The following CYB5R4 variants were observed in gnomAD, a reference collection of about 807,000 sequenced individuals.
CYB5R4 encodes the protein N-terminal cytochrome b5 and cytochrome b5 oxidoreductase domain-containing protein.
A neutral mutation model predicts 70.2 loss-of-function variants in CYB5R4; 55 were observed. That is an observed-to-expected ratio of 0.78 (90% CI 0.63 to 0.98). The LOEUF is 0.98. Ranked by LOEUF, CYB5R4 falls within the 50% of genes least tolerant of loss-of-function variation. The probability of loss-of-function intolerance (pLI) is 0.00; values close to 1 mark genes in which losing one functional copy is unlikely to be tolerated. For missense variants in CYB5R4, 562 were observed against 612.6 expected, an observed-to-expected ratio of 0.92 and a Z score of 0.87; for synonymous variants, 197 against 199.5, an observed-to-expected ratio of 0.99 and a Z score of 0.11.
At chr6:83,927,272 A>C (rs1156310908) in intron 10 of CYB5R4, among the ~76,000 whole-genome samples, 1 of 152,222 alleles carries the variant, frequency 6.6e-6, no homozygotes, top group African/African-American at 2.4e-5. Context: ...TCCACTCAGA[A>C]CACTAAAATG....
chr6:83,866,918 C>T (rs1489344648), intron 2 of CYB5R4, among the ~76,000 whole-genome samples: 1 of 152,178 alleles, frequency 6.6e-6, no homozygotes, highest in Non-Finnish European at 1.5e-5. Context: ...CATACCTGGC[C>T]ATGAATTTTT....
At position 83,890,050 on chromosome 6, in the gene CYB5R4, C is replaced by T. The variant is rs1406324079; in HGVS notation, c.230-3472C>T. ...GGGACAGATATACAAACTATATCAC[C>T]TTCTAACACGGCATCCATCCTGCAG... On this transcript the variant is annotated intron_variant, in intron 2 of 15. Coordinates refer to ENST00000369681, the MANE Select transcript of CYB5R4 (RefSeq NM_016230.4). Among the ~76,000 whole-genome samples, 6 of 152,242 alleles carry T rather than the reference C, an allele frequency of 3.9e-5. No homozygotes were observed. In the South Asian group the frequency reaches 1.0e-3, roughly 26 times the overall value.
chr6:83,921,140 C>A lies in CYB5R4; in HGVS notation c.623C>A (p.Thr208Lys). 1 of 1,528,622 alleles carries A rather than the reference C, an allele frequency of 6.5e-7. No homozygotes were observed. Among genetic ancestry groups the A allele is most frequent in the Non-Finnish European group, 8.9e-7 (1 of 1,120,580 alleles). The allele number at this position is 1,528,622 out of a possible 1,614,324, so 94.7% of individuals were successfully genotyped here. A position where few individuals can be genotyped will look rare whatever the true frequency, so the allele number is the denominator to read the frequency against. Residue 208 changes from threonine (T) to lysine (K), a missense_variant, in exon 8 of 16, where the codon ACA becomes AAA. Transcript: ENST00000369681. ...CAGAATGATTCCTTTAGAGCAGAAA[C>A]AATTATTAAGGATTGTTTATATCTT... Reference protein sequence around the residue: ...DHQNDSFRAETIIKDCLYLIH... With the variant: ...DHQNDSFRAEKIIKDCLYLIH...
chr6:83,915,169 C>T (rs552864790), intron 5 of CYB5R4, among the ~76,000 whole-genome samples: 6 of 152,244 alleles, frequency 3.9e-5, no homozygotes, highest in Non-Finnish European at 8.8e-5. Flanking sequence ...TAATGACTGA[C>T]ACTTCCTCTC....
At chr6:83,928,128 C>G (rs998447209) in intron 10 of CYB5R4, among the ~76,000 whole-genome samples, 33 of 152,088 alleles carry the variant, frequency 2.2e-4, no homozygotes, top group African/African-American at 8.0e-4. Context: ...ATGTCAGGAA[C>G]CAGGGACACA....
intron 15 of CYB5R4, among the ~76,000 whole-genome samples, chr6:83,955,970 G>A (rs2099472360): frequency 6.6e-6 from 1 of 152,140 alleles, no homozygotes; most frequent in South Asian, 2.1e-4. Context: ...AAAAATCAGT[G>A]GTAGTGGCGA....
rs552291162 is a variant in CYB5R4 at position 83,902,586 on chromosome 6, A to C, written c.331-6423A>C. ...ACAGTGGTATTTTGATAAGGATTGC[A>C]TTGATTCTGCATATTGCTTTGGGCT... On this transcript the variant is annotated intron_variant, in intron 3 of 15. Coordinates refer to ENST00000369681, the MANE Select transcript of CYB5R4 (RefSeq NM_016230.4). Among the ~76,000 whole-genome samples the C allele has an allele frequency of 1.2e-4, 19 of 152,204 alleles. No homozygotes were observed. The East Asian group carries it at 3.3e-3, about 26-fold the overall frequency.
At chr6:83,866,004 A>G (rs545913802) in intron 2 of CYB5R4, among the ~76,000 whole-genome samples, 16 of 152,250 alleles carry the variant, frequency 1.1e-4, no homozygotes, top group African/African-American at 3.4e-4. Flanking sequence ...CTATCTGTTT[A>G]CCAGCTGCAA....
chr6:83,895,618 T>A (rs538728813), intron 3 of CYB5R4, among the ~76,000 whole-genome samples: 2 of 152,216 alleles, frequency 1.3e-5, no homozygotes, highest in South Asian at 4.1e-4. Context: ...TAAAGTCTAG[T>A]CTTATTTCTG....
intron 14 of CYB5R4, among the ~76,000 whole-genome samples, chr6:83,942,403 T>G (rs2099469909): frequency 6.6e-6 from 1 of 152,218 alleles, no homozygotes; most frequent in Non-Finnish European, 1.5e-5. Flanking sequence ...CATGAGGGAC[T>G]GTGCCATGAG....
intron 3 of CYB5R4, among the ~76,000 whole-genome samples, chr6:83,904,737 A>G (rs1019559584): frequency 1.3e-5 from 2 of 152,150 alleles, no homozygotes; most frequent in Non-Finnish European, 1.5e-5. Context: ...CAGTTCCAGA[A>G]TTTCTGTTTG....
chr6:83,933,194 TA>T (rs1419494736), intron 10 of CYB5R4, among the ~76,000 whole-genome samples: 1 of 152,164 alleles, frequency 6.6e-6, no homozygotes, highest in African/African-American at 2.4e-5. Context: ...GGGATAACTT[TA>T]GGGTGGGCTC....
intron 1 of CYB5R4, among the ~76,000 whole-genome samples, chr6:83,862,328 A>C (rs1438278379): frequency 6.6e-6 from 1 of 152,134 alleles, no homozygotes; most frequent in African/African-American, 2.4e-5. Context: ...CATATGCTGG[A>C]GTTTTTGGTC....
rs2099473787 is a variant in CYB5R4, at chr6:83,964,558, C to G, written c.*4680C>G. 1 of 152,196 alleles carries G rather than the reference C, an allele frequency of 6.6e-6. No homozygotes were observed. The highest frequency in any genetic ancestry group is 2.4e-5 in the African/African-American group (1 of 41,436). 9.4% of individuals were successfully genotyped at this position (152,196 alleles called of 1,614,324 possible). ...AAGGCATTCAGTTTTAAAAGGGAAG[C>G]AGAGCATTAAAATTCAGAAAATTAG... is the stretch of plus-strand genomic sequence containing the variant. On this transcript the variant is annotated 3_prime_UTR_variant, in exon 16 of 16. Coordinates refer to ENST00000369681, the MANE Select transcript of CYB5R4 (RefSeq NM_016230.4).
chr6:83,955,924 A>C (rs2099472354), intron 15 of CYB5R4, among the ~76,000 whole-genome samples: 1 of 152,238 alleles, frequency 6.6e-6, no homozygotes, highest in Non-Finnish European at 1.5e-5. Context: ...CTAGAACACA[A>C]ATAAGGCAAG....
chr6:83,954,822 C>T (rs1459826813), intron 14 of CYB5R4, among the ~76,000 whole-genome samples: 1 of 152,166 alleles, frequency 6.6e-6, no homozygotes, highest in East Asian at 1.9e-4. Context: ...AAACGATCCT[C>T]CTGCCTCAGC....
chr6:83,902,824 A>G (rs1285134581), intron 3 of CYB5R4, among the ~76,000 whole-genome samples: 1 of 151,698 alleles, frequency 6.6e-6, no homozygotes, highest in African/African-American at 2.4e-5. Context: ...TTTCTTTTTC[A>G]GCTATTTTAT....
At chr6:83,876,842 C>G (rs1270674255) in intron 2 of CYB5R4, among the ~76,000 whole-genome samples, 1 of 149,838 alleles carries the variant, frequency 6.7e-6, no homozygotes, top group South Asian at 2.1e-4. Flanking sequence ...CTTCCTTTAA[C>G]TTTTTTTTTT....
At chr6:83,863,601 T>A (rs780494542) in intron 1 of CYB5R4, among the ~76,000 whole-genome samples, 5 of 152,172 alleles carry the variant, frequency 3.3e-5, no homozygotes, top group Non-Finnish European at 7.4e-5. Flanking sequence ...GACCAGAACC[T>A]CTTTTCTAGT....
Sources: allele counts gnomAD v4.1 joint callset (sites outside exome capture counted in the v4.1 genomes callset), GRCh38; gene constraint gnomAD v4.1.1; transcripts MANE v1.5; gene names NCBI Gene and HGNC (gene_info 2026-07-23, HGNC 2026-07-21).